The following FAM117B variants were observed in gnomAD, a reference collection of about 807,000 sequenced individuals.
The protein encoded by FAM117B is family with sequence similarity 117 member B.
Under a neutral mutation model 52.8 loss-of-function variants are expected in FAM117B, and 22 were observed. The ratio of observed to expected loss-of-function variants is 0.42; its 90% CI spans 0.30 to 0.59. The LOEUF is 0.59. Among genes scored for constraint, FAM117B ranks in the 20% least tolerant of loss-of-function variants. The probability of loss-of-function intolerance (pLI) is 0.22; values close to 1 mark genes in which losing one functional copy is unlikely to be tolerated. For missense variants in FAM117B, 678 were observed against 802.6 expected, an observed-to-expected ratio of 0.84 and a Z score of 1.88; for synonymous variants, 309 against 324.1, an observed-to-expected ratio of 0.95 and a Z score of 0.50.
intron 2 of FAM117B, among the ~76,000 whole-genome samples, chr2:202,704,446 G>T (rs988055387): frequency 4.6e-5 from 7 of 152,138 alleles, no homozygotes; most frequent in African/African-American, 1.7e-4. Context: ...CTTTAGCAAG[G>T]GACCTGGGGC....
chr2:202,687,826 A>G (rs1413499269), intron 1 of FAM117B, among the ~76,000 whole-genome samples: 1 of 152,178 alleles, frequency 6.6e-6, no homozygotes, highest in Non-Finnish European at 1.5e-5. Context: ...CCTATGGGAA[A>G]TCATTTTGGT....
At chr2:202,689,637 G>A (rs1183613910) in intron 1 of FAM117B, among the ~76,000 whole-genome samples, 1 of 151,536 alleles carries the variant, frequency 6.6e-6, no homozygotes, top group African/African-American at 2.4e-5. Context: ...AATACCTGAG[G>A]CCAGGCACAG....
At chr2:202,738,845 A>G (rs1408444115) in intron 4 of FAM117B, among the ~76,000 whole-genome samples, 1 of 152,198 alleles carries the variant, frequency 6.6e-6, no homozygotes, top group Non-Finnish European at 1.5e-5. Context: ...TAAGTGCTTA[A>G]TAAGTGCTAC....
At chr2:202,743,190 C>T (rs1691576205) in intron 4 of FAM117B, among the ~76,000 whole-genome samples, 1 of 152,222 alleles carries the variant, frequency 6.6e-6, no homozygotes, top group South Asian at 2.1e-4. Flanking sequence ...TGCCTGAGGA[C>T]TAGCCTGGCT....
intron 4 of FAM117B, among the ~76,000 whole-genome samples, chr2:202,731,335 A>ATATT (rs1349137100): frequency 2.0e-5 from 2 of 98,656 alleles, no homozygotes; most frequent in Non-Finnish European, 3.7e-5. Flanking sequence ...AAATTGGAAT[A>ATATT]TATATATATA....
intron 2 of FAM117B, among the ~76,000 whole-genome samples, chr2:202,703,313 GT>G (rs895501044): frequency 4.6e-5 from 7 of 152,296 alleles, no homozygotes; most frequent in African/African-American, 1.7e-4. Context: ...TTAGCATAAT[GT>G]TTTTGAGGTT....
At position 202,635,156 on chromosome 2, in the gene FAM117B, G is replaced by C. The variant is rs2105748356; in HGVS notation, c.-32G>C. 7.9e-7 allele frequency: 1 copy of C among 1,258,320 alleles called. No homozygotes were observed. The allele number at this position is 1,258,320 out of a possible 1,614,324, so 77.9% of individuals were successfully genotyped here. A position where few individuals can be genotyped will look rare whatever the true frequency, so the allele number is the denominator to read the frequency against. ...CAGCCCAACAACAACAAAACCCCCCGTCTCGCCCAGTCACCGGGGAGGGGG... is the reference window on the plus strand; with the variant it reads ...CAGCCCAACAACAACAAAACCCCCCCTCTCGCCCAGTCACCGGGGAGGGGG... On this transcript the variant is annotated 5_prime_UTR_variant, in exon 1 of 8. Transcript: ENST00000392238.
intron 2 of FAM117B, among the ~76,000 whole-genome samples, chr2:202,706,913 G>A (rs1047706435): frequency 6.6e-6 from 1 of 152,080 alleles, no homozygotes; most frequent in Non-Finnish European, 1.5e-5. Flanking sequence ...CTTCCTTAGG[G>A]TAAGCCTAGG....
At chr2:202,704,297 C>A (rs1690841282) in intron 2 of FAM117B, among the ~76,000 whole-genome samples, 2 of 152,106 alleles carry the variant, frequency 1.3e-5, no homozygotes, top group Admixed American at 6.6e-5. Context: ...AAAGTGATTA[C>A]CTTTATTGTC....
At chr2:202,664,705 A>G (rs1690176046) in intron 1 of FAM117B, among the ~76,000 whole-genome samples, 1 of 152,098 alleles carries the variant, frequency 6.6e-6, no homozygotes, top group African/African-American at 2.4e-5. Context: ...TGAGTAATTT[A>G]TCTATCTAGT....
At chr2:202,677,190 C>A (rs907616452) in intron 1 of FAM117B, among the ~76,000 whole-genome samples, 1 of 152,000 alleles carries the variant, frequency 6.6e-6, no homozygotes, top group African/African-American at 2.4e-5. Context: ...GCCTCAGCCT[C>A]CCGAGTAGCT....
At chr2:202,748,062 T>C (rs1032395691) in intron 4 of FAM117B, among the ~76,000 whole-genome samples, 5 of 152,094 alleles carry the variant, frequency 3.3e-5, no homozygotes, top group African/African-American at 1.2e-4. Context: ...CTTCAAAATA[T>C]ATTACACAAA....
At chr2:202,637,379 T>C (rs1021272749) in intron 1 of FAM117B, among the ~76,000 whole-genome samples, 1 of 151,968 alleles carries the variant, frequency 6.6e-6, no homozygotes, top group Admixed American at 6.6e-5. Context: ...TATCTCAGCC[T>C]CCCGAGTAGC....
Position 202,757,261 on chromosome 2 carries a change from A to G in FAM117B, c.1153A>G (p.Arg385Gly). ...TCGTGCTCCACCCCCCCTTGTACAG[A>G]GAAGTAGCAGCACGCGCAGCATTGA... ...GHRAPPPLVQ[R>G]SSSTRSIDTQ... The change falls in exon 6 of 8, where the codon AGA (arginine) becomes GGA (glycine). Residue 385 changes from arginine to glycine, a missense_variant. Arg to Gly is a moderately radical substitution (Grantham distance 125). Transcript: ENST00000392238. The G allele has an allele frequency of 6.2e-7, 1 of 1,614,116 alleles. No homozygotes were observed. The highest frequency in any genetic ancestry group is 1.1e-5 in the South Asian group (1 of 91,074).
At chr2:202,656,834 G>A (rs917950022) in intron 1 of FAM117B, among the ~76,000 whole-genome samples, 1 of 151,774 alleles carries the variant, frequency 6.6e-6, no homozygotes, top group African/African-American at 2.4e-5. Context: ...TTCAGTTGTT[G>A]CTTCATATAT....
intron 1 of FAM117B, among the ~76,000 whole-genome samples, chr2:202,637,583 A>G (rs2105749777): frequency 6.6e-6 from 1 of 152,316 alleles, no homozygotes; most frequent in Middle Eastern, 3.4e-3. Flanking sequence ...ATGCTTTTCT[A>G]AAACTGTGAT....
intron 1 of FAM117B, among the ~76,000 whole-genome samples, chr2:202,644,064 G>GTTTTTTTTTTTTTTTTTTTTTTTTTTTT (rs1161026426): frequency 1.1e-5 from 1 of 95,138 alleles, no homozygotes; most frequent in African/African-American, 4.5e-5. Flanking sequence ...TTTTTTTTTT[G>GTTTTTTTTTTTTTTTTTTTTTTTTTTTT]TTTTTTTTTT....
rs530472735 is a variant in FAM117B at position 202,715,182 on chromosome 2, G to A, written c.754-9735G>A. Among the ~76,000 whole-genome samples the A allele has an allele frequency of 2.3e-3, 353 of 150,712 alleles. 2 individuals carry two copies. Among genetic ancestry groups the A allele is most frequent in the African/African-American group, 8.1e-3 (333 of 40,900 alleles). On this transcript the variant is annotated intron_variant, in intron 2 of 7. Transcript: ENST00000392238. Reference sequence around the variant, plus strand: ...GGGGCTGACCCCCCACCTCCCTCCCGGACGGGTCGGCTGGCCGGGCGGGGG... The same window carrying A: ...GGGGCTGACCCCCCACCTCCCTCCCAGACGGGTCGGCTGGCCGGGCGGGGG...
Position 202,635,792 on chromosome 2 carries a change from A to G in FAM117B, c.601+4A>G. ...AGCGCCCCGGTTTGCAAAGCAGGTA[A>G]GTGCTGGGGGTCGCGCAGCAAGGGG... is the stretch of plus-strand genomic sequence containing the variant. On this transcript the variant is annotated splice_donor_region_variant and intron_variant, in intron 1 of 7. Transcript: ENST00000392238. 6.9e-7 allele frequency: 1 copy of G among 1,441,164 alleles called. No individual in the cohort carries two copies. Among genetic ancestry groups the G allele is most frequent in the Middle Eastern group, 2.4e-4 (1 of 4,186 alleles). The allele number at this position is 1,441,164 out of a possible 1,614,324, so 89.3% of individuals were successfully genotyped here. A position where few individuals can be genotyped will look rare whatever the true frequency, so the allele number is the denominator to read the frequency against.
Sources: allele counts gnomAD v4.1 joint callset (sites outside exome capture counted in the v4.1 genomes callset), GRCh38; gene constraint gnomAD v4.1.1; transcripts MANE v1.5; gene names NCBI Gene and HGNC (gene_info 2026-07-23, HGNC 2026-07-21).